The following NBEA variants were observed in gnomAD, a reference collection of about 807,000 sequenced individuals.
The protein encoded by NBEA is neurobeachin.
Under a neutral mutation model 343.4 loss-of-function variants are expected in NBEA, and 44 were observed. The observed-to-expected ratio is 0.13, with a 90% confidence interval of 0.10 to 0.16. The LOEUF (loss-of-function observed/expected upper bound fraction) is 0.16, where lower values mean the gene tolerates loss of function less well. Among genes scored for constraint, NBEA ranks in the 10% least tolerant of loss-of-function variants. The pLI, the probability that NBEA is intolerant of heterozygous loss-of-function variation, is 1.00. For synonymous variants in NBEA, 1,175 were observed against 1,238.7 expected (o/e 0.95, Z 1.08); for missense variants, 2,555 against 3,631.3 (o/e 0.70, Z 7.62).
At chr13:35,104,800 A>G (rs2065835238) in intron 11 of NBEA, among the ~76,000 whole-genome samples, 1 of 151,972 alleles carries the variant, frequency 6.6e-6, no homozygotes, top group Non-Finnish European at 1.5e-5. Context: ...TTTTGCCAAA[A>G]TGTGATCTTG....
intron 34 of NBEA, among the ~76,000 whole-genome samples, chr13:35,286,940 C>T (rs2035464104): frequency 6.6e-6 from 1 of 152,034 alleles, no homozygotes; most frequent in Non-Finnish European, 1.5e-5. Context: ...CTGCCTGGAT[C>T]TGGACCACCT....
At chr13:35,443,140 T>C (rs1267290930) in intron 39 of NBEA, among the ~76,000 whole-genome samples, 1 of 152,108 alleles carries the variant, frequency 6.6e-6, no homozygotes, top group Non-Finnish European at 1.5e-5. Context: ...AGATTGCTAA[T>C]GCTGCACATT....
At chr13:35,022,027 T>C (rs2061861025) in intron 1 of NBEA, among the ~76,000 whole-genome samples, 1 of 152,140 alleles carries the variant, frequency 6.6e-6, no homozygotes, top group South Asian at 2.1e-4. Context: ...TTCTGTCTTG[T>C]AGTTGGCTGC....
intron 39 of NBEA, among the ~76,000 whole-genome samples, chr13:35,446,151 CT>C (rs761458188): frequency 2.6e-5 from 4 of 151,868 alleles, no homozygotes; most frequent in Non-Finnish European, 5.9e-5. Flanking sequence ...TGAACTCATC[CT>C]TTTTTATGGC....
At chr13:35,544,219 G>A (rs1336690534) in intron 41 of NBEA, among the ~76,000 whole-genome samples, 1 of 152,134 alleles carries the variant, frequency 6.6e-6, no homozygotes, top group Non-Finnish European at 1.5e-5. Flanking sequence ...GGTTTGCCCA[G>A]CCTTCTGCAG....
intron 11 of NBEA, among the ~76,000 whole-genome samples, chr13:35,102,837 G>C (rs923724581): frequency 9.2e-5 from 14 of 151,424 alleles, no homozygotes; most frequent in African/African-American, 3.4e-4. Context: ...TGATAGTTTT[G>C]TTTTTTTCCT....
intron 41 of NBEA, among the ~76,000 whole-genome samples, chr13:35,526,775 C>T (rs2077995349): frequency 1.3e-5 from 2 of 152,172 alleles, no homozygotes; most frequent in South Asian, 4.1e-4. Flanking sequence ...GTCCGGCCAC[C>T]GTGCACAGCC....
intron 38 of NBEA, among the ~76,000 whole-genome samples, chr13:35,415,117 T>A (rs192069366): frequency 6.6e-6 from 1 of 152,364 alleles, no homozygotes; most frequent in Admixed American, 6.5e-5. Flanking sequence ...AAGTTCTTTG[T>A]AGATTCTGGA....
At chr13:35,383,696 C>T (rs1057234188) in intron 38 of NBEA, among the ~76,000 whole-genome samples, 1 of 151,876 alleles carries the variant, frequency 6.6e-6, no homozygotes, top group Non-Finnish European at 1.5e-5. Flanking sequence ...AGCTGTACTG[C>T]TGAGAAAGAC....
At chr13:35,387,122 G>T (rs1450357306) in intron 38 of NBEA, among the ~76,000 whole-genome samples, 1 of 152,126 alleles carries the variant, frequency 6.6e-6, no homozygotes, top group African/African-American at 2.4e-5. Flanking sequence ...ATTTTTAAAT[G>T]ATTGTAACAA....
intron 45 of NBEA, among the ~76,000 whole-genome samples, chr13:35,582,202 C>T (rs1009178442): frequency 7.2e-5 from 11 of 152,096 alleles, no homozygotes; most frequent in African/African-American, 2.4e-4. Flanking sequence ...AGGAGAATGG[C>T]GTGAACCCAG....
chr13:34,973,583 G>A (rs569738732), intron 1 of NBEA, among the ~76,000 whole-genome samples: 1 of 152,298 alleles, frequency 6.6e-6, no homozygotes, highest in Non-Finnish European at 1.5e-5. Context: ...GAGCTGTGCT[G>A]TGCTGGGGGA....
At chr13:35,146,663 C>A (rs995318041) in intron 18 of NBEA, among the ~76,000 whole-genome samples, 3 of 152,090 alleles carry the variant, frequency 2.0e-5, no homozygotes, top group African/African-American at 7.2e-5. Flanking sequence ...GCAACCATTA[C>A]CTTTAAGTTT....
At chr13:35,155,665 T>C (rs2069121202) in intron 18 of NBEA, 109 bp from the exon 19 acceptor site, 1 of 770,610 alleles carries the variant, frequency 1.3e-6, no homozygotes, top group African/African-American at 1.8e-5. Flanking sequence ...GATGTTTCTT[T>C]TGGTTTGGAC....
intron 11 of NBEA, among the ~76,000 whole-genome samples, chr13:35,108,635 C>T (rs1025702064): frequency 3.3e-5 from 5 of 151,886 alleles, no homozygotes; most frequent in African/African-American, 1.2e-4. Flanking sequence ...TGCAATATTC[C>T]AGCAGCTCAA....
chr13:35,253,512 C>T (rs1224861052), intron 34 of NBEA, among the ~76,000 whole-genome samples: 1 of 152,192 alleles, frequency 6.6e-6, no homozygotes, highest in Non-Finnish European at 1.5e-5. Flanking sequence ...TGCTTCATTA[C>T]AGTGGTCTTG....
intron 47 of NBEA, among the ~76,000 whole-genome samples, chr13:35,601,508 A>G (rs2082044464): frequency 6.6e-6 from 1 of 152,182 alleles, no homozygotes; most frequent in South Asian, 2.1e-4. Context: ...TCATGCCTGT[A>G]ATCCCAGCCC....
chr13:34,989,455 G>C (rs1417242629), intron 1 of NBEA, among the ~76,000 whole-genome samples: 1 of 150,866 alleles, frequency 6.6e-6, no homozygotes, highest in East Asian at 1.9e-4. Flanking sequence ...ATCTTCACAT[G>C]GTGGAGCAGG....
At chr13:35,640,047 T>G (rs74476840) in intron 49 of NBEA, among the ~76,000 whole-genome samples, 10,380 of 151,990 alleles carry the variant, frequency 0.068, 401 homozygotes, top group African/African-American at 0.095. Context: ...AAGACAAGAT[T>G]AACGAAAGTT....
Sources: allele counts gnomAD v4.1 joint callset (sites outside exome capture counted in the v4.1 genomes callset), GRCh38; gene constraint gnomAD v4.1.1; transcripts MANE v1.5; gene names NCBI Gene and HGNC (gene_info 2026-07-23, HGNC 2026-07-21).